Variants in SGCZ observed in about 807,000 individuals in gnomAD.
The protein encoded by SGCZ is zeta-sarcoglycan.
Under a neutral mutation model 41.3 loss-of-function variants are expected in SGCZ, and 40 were observed. The ratio of observed to expected loss-of-function variants is 0.97; its 90% CI spans 0.75 to 1.26. SGCZ has a LOEUF of 1.26. Among genes scored for constraint, SGCZ ranks in the 50% most tolerant of loss-of-function variants. The probability of loss-of-function intolerance (pLI) is 0.00; values close to 1 mark genes in which losing one functional copy is unlikely to be tolerated. For synonymous variants in SGCZ, 206 were observed against 137.5 expected (o/e 1.50, Z -3.49); for missense variants, 552 against 369.8 (o/e 1.49, Z -4.04).
intron 4 of SGCZ, among the ~76,000 whole-genome samples, chr8:14,229,650 TA>T (rs10539330): frequency 0.098 from 14,743 of 150,130 alleles, 757 homozygotes; most frequent in Middle Eastern, 0.14. Flanking sequence ...TTCTCTAAGT[TA>T]AAAAAAAAAA....
At chr8:14,401,522 G>C (rs1443087416) in intron 2 of SGCZ, among the ~76,000 whole-genome samples, 5 of 146,110 alleles carry the variant, frequency 3.4e-5, no homozygotes, top group African/African-American at 1.0e-4. Flanking sequence ...CCACCTGTGA[G>C]TGAGAATATG....
intron 1 of SGCZ, among the ~76,000 whole-genome samples, chr8:14,817,332 G>A (rs1280758942): frequency 4.6e-5 from 7 of 151,908 alleles, no homozygotes; most frequent in South Asian, 2.1e-4. Flanking sequence ...CATCACTACT[G>A]CCACAAAATA....
intron 4 of SGCZ, among the ~76,000 whole-genome samples, chr8:14,228,633 A>G (rs1806455754): frequency 1.3e-5 from 2 of 151,994 alleles, no homozygotes; most frequent in African/African-American, 2.4e-5. Flanking sequence ...TATATTTTTT[A>G]TTAATATATA....
At chr8:14,146,398 G>A (rs950249322) in intron 5 of SGCZ, among the ~76,000 whole-genome samples, 4 of 152,060 alleles carry the variant, frequency 2.6e-5, no homozygotes, top group African/African-American at 7.2e-5. Flanking sequence ...TAAAGCCGAG[G>A]GATTTCATCA....
intron 1 of SGCZ, among the ~76,000 whole-genome samples, chr8:14,714,845 T>C (rs182897988): frequency 1.8e-4 from 27 of 152,280 alleles, no homozygotes; most frequent in Admixed American, 8.5e-4. Context: ...AGTCAGATAT[T>C]GGAAAACTTA....
rs193119339 is a variant in SGCZ, at chr8:14,597,658, G to T, written c.40-42732C>A. Among the ~76,000 whole-genome samples the T allele has an allele frequency of 2.0e-5, 3 of 152,164 alleles. No homozygotes were observed. In the East Asian group the frequency reaches 5.8e-4, roughly 30 times the overall value. ...ATGCCCGGCTAATTTTGTATTTTTA[G>T]TAGTAATGGGGTTTTACCATGTTGG... On this transcript the variant is annotated intron_variant, in intron 1 of 7. Transcript: ENST00000382080.
Position 14,474,408 on chromosome 8 carries a change from C to G in SGCZ, c.234+80324G>C, listed in dbSNP as rs374010794. On this transcript the variant is annotated intron_variant, in intron 2 of 7. Transcript: ENST00000382080. ...ACACACACACATATATGTGAGCACA[C>G]ACATAAACTTGTGTGTTCACACAGA... 6.6e-5 allele frequency among the ~76,000 whole-genome samples: 10 copies of G among 152,312 alleles called. No homozygotes were observed. The East Asian group carries it at 1.9e-3, about 29-fold the overall frequency.
At chr8:14,218,814 G>C (rs1427066938) in intron 4 of SGCZ, among the ~76,000 whole-genome samples, 5 of 152,220 alleles carry the variant, frequency 3.3e-5, no homozygotes, top group African/African-American at 1.2e-4. Flanking sequence ...TGAATGTACA[G>C]TGTTGTGGTG....
At chr8:14,584,974 A>T (rs1805012317) in intron 1 of SGCZ, among the ~76,000 whole-genome samples, 1 of 152,172 alleles carries the variant, frequency 6.6e-6, no homozygotes, top group Non-Finnish European at 1.5e-5. Context: ...TCTTGAGCCC[A>T]GGTACTTTAG....
At chr8:15,008,815 CGGAG>C (rs1228147374) in intron 1 of SGCZ, among the ~76,000 whole-genome samples, 1 of 40,212 alleles carries the variant, frequency 2.5e-5, no homozygotes, top group Admixed American at 3.6e-4. Flanking sequence ...GAGGGAGGGA[CGGAG>C]GGAGGAAGGG....
intron 1 of SGCZ, among the ~76,000 whole-genome samples, chr8:14,694,399 T>C (rs746312835): frequency 1.3e-5 from 2 of 152,234 alleles, no homozygotes; most frequent in African/African-American, 2.4e-5. Context: ...TCAATTCTAA[T>C]TGGAAAATTC....
chr8:14,965,465 C>T (rs1260503117), intron 1 of SGCZ, among the ~76,000 whole-genome samples: 1 of 152,000 alleles, frequency 6.6e-6, no homozygotes, highest in African/African-American at 2.4e-5. Flanking sequence ...TGGCAATATA[C>T]AATTCTTACT....
chr8:14,950,633 A>C (rs1384850430), intron 1 of SGCZ, among the ~76,000 whole-genome samples: 2 of 151,718 alleles, frequency 1.3e-5, no homozygotes, highest in African/African-American at 4.8e-5. Flanking sequence ...GGATGTTGGC[A>C]AAAAAAATCA....
chr8:14,567,581 A>G (rs1200331061), intron 1 of SGCZ, among the ~76,000 whole-genome samples: 1 of 152,170 alleles, frequency 6.6e-6, no homozygotes, highest in Non-Finnish European at 1.5e-5. Flanking sequence ...GGGCTAGATA[A>G]GAGAATAAAA....
At chr8:14,561,309 T>C (rs1307745290) in intron 1 of SGCZ, among the ~76,000 whole-genome samples, 2 of 152,192 alleles carry the variant, frequency 1.3e-5, no homozygotes, top group East Asian at 1.9e-4. Flanking sequence ...CTGCCTATTG[T>C]CATTCTAATG....
At chr8:14,613,398 C>A (rs906269937) in intron 1 of SGCZ, among the ~76,000 whole-genome samples, 10 of 151,964 alleles carry the variant, frequency 6.6e-5, no homozygotes, top group Non-Finnish European at 1.5e-4. Flanking sequence ...TAGCAAAATA[C>A]CCTAGTATAA....
chr8:14,785,556 G>A (rs539702879), intron 1 of SGCZ, among the ~76,000 whole-genome samples: 11 of 152,148 alleles, frequency 7.2e-5, no homozygotes, highest in African/African-American at 2.4e-4. Context: ...TGAGTTTGTC[G>A]CAGGTAATAC....
At chr8:14,958,203 T>A (rs781368811) in intron 1 of SGCZ, among the ~76,000 whole-genome samples, 1 of 152,052 alleles carries the variant, frequency 6.6e-6, no homozygotes, top group Non-Finnish European at 1.5e-5. Flanking sequence ...TTATTTTATA[T>A]ATTCTGATGA....
At chr8:15,080,681 C>G (rs989427279) in intron 1 of SGCZ, among the ~76,000 whole-genome samples, 2 of 152,074 alleles carry the variant, frequency 1.3e-5, no homozygotes, top group African/African-American at 4.8e-5. Flanking sequence ...ACCTCCGCCT[C>G]TGGGGTTCAA....
Sources: allele counts gnomAD v4.1 joint callset (sites outside exome capture counted in the v4.1 genomes callset), GRCh38; gene constraint gnomAD v4.1.1; transcripts MANE v1.5; gene names NCBI Gene and HGNC (gene_info 2026-07-23, HGNC 2026-07-21).